Variants in CACNB4 observed in about 807,000 individuals in gnomAD.
The protein encoded by CACNB4 is voltage-dependent L-type calcium channel subunit beta-4.
Under a neutral mutation model 71.2 loss-of-function variants are expected in CACNB4, and 32 were observed. The ratio of observed to expected loss-of-function variants is 0.45; its 90% CI spans 0.34 to 0.60. The LOEUF (loss-of-function observed/expected upper bound fraction) is 0.60, where lower values mean the gene tolerates loss of function less well. Ranked by LOEUF, CACNB4 falls within the 20% of genes least tolerant of loss-of-function variation. The pLI, the probability that CACNB4 is intolerant of heterozygous loss-of-function variation, is 0.01. For missense variants in CACNB4, 464 were observed against 647.9 expected (o/e 0.72, Z 3.08); for synonymous variants, 231 against 236.9 (o/e 0.97, Z 0.23).
At chr2:151,857,925 G>A (rs2099840694) in intron 10 of CACNB4, 1 of 152,306 alleles carries the variant, frequency 6.6e-6, no homozygotes, top group Admixed American at 6.5e-5. Flanking sequence ...CAGAGGAAGA[G>A]AGGTGCTTGG....
intron 2 of CACNB4, among the ~76,000 whole-genome samples, chr2:151,886,883 G>A (rs1364410692): frequency 6.6e-6 from 1 of 152,128 alleles, no homozygotes; most frequent in Non-Finnish European, 1.5e-5. Context: ...GGAAGGAAAA[G>A]ATAAAGGAAA....
chr2:151,867,172 T>G (rs1025906057), intron 9 of CACNB4: 14 of 152,212 alleles, frequency 9.2e-5, no homozygotes, highest in African/African-American at 3.4e-4. Flanking sequence ...TCGGCACTGC[T>G]CAGAACTGCC....
Position 151,875,509 on chromosome 2 carries a change from T to C in CACNB4, c.521+917A>G, listed in dbSNP as rs764398029. On this transcript the variant is annotated intron_variant, in intron 5 of 13. Coordinates refer to ENST00000539935, the MANE Select transcript of CACNB4 (RefSeq NM_000726.5). ...GGCCCATTCTCAATGAGCTGTTGGG[T>C]ACACCTCCCAGACGGGGTGGTGGCC... Among the ~76,000 whole-genome samples the C allele has an allele frequency of 3.8e-3, 581 of 151,876 alleles. 2 individuals are homozygous for C. The highest frequency in any genetic ancestry group is 6.1e-3 in the Non-Finnish European group (416 of 67,894).
At chr2:151,876,004 G>C (rs2099846130) in intron 5 of CACNB4, among the ~76,000 whole-genome samples, 2 of 146,758 alleles carry the variant, frequency 1.4e-5, no homozygotes, top group African/African-American at 2.5e-5. Flanking sequence ...CGGACGGGGC[G>C]GCTGGCCGGG....
chr2:152,060,630 C>T (rs2105330332), intron 2 of CACNB4, among the ~76,000 whole-genome samples: 1 of 152,258 alleles, frequency 6.6e-6, no homozygotes, highest in South Asian at 2.1e-4. Context: ...CCAGGAACTC[C>T]AACTCTATAC....
At chr2:151,923,408 T>G (rs1197879389) in intron 2 of CACNB4, among the ~76,000 whole-genome samples, 1 of 152,158 alleles carries the variant, frequency 6.6e-6, no homozygotes, top group Non-Finnish European at 1.5e-5. Flanking sequence ...TAGCTTGGCT[T>G]TCAACACATT....
At chr2:152,090,273 C>T (rs1387474230) in intron 2 of CACNB4, among the ~76,000 whole-genome samples, 1 of 152,204 alleles carries the variant, frequency 6.6e-6, no homozygotes, top group Non-Finnish European at 1.5e-5. Flanking sequence ...TCTGGGGCAG[C>T]AGGTGGAGCA....
At chr2:151,931,275 C>G (rs1473749043) in intron 2 of CACNB4, among the ~76,000 whole-genome samples, 1 of 152,184 alleles carries the variant, frequency 6.6e-6, no homozygotes, top group Non-Finnish European at 1.5e-5. Flanking sequence ...TAACTAGTCA[C>G]TGGAATACAG....
At chr2:152,035,594 T>G (rs532465606) in intron 2 of CACNB4, among the ~76,000 whole-genome samples, 1 of 144,922 alleles carries the variant, frequency 6.9e-6, no homozygotes, top group African/African-American at 2.6e-5. Flanking sequence ...TCTCCCTCTC[T>G]CTCTCTCTTT....
chr2:151,931,183 C>A (rs2099861541), intron 2 of CACNB4, among the ~76,000 whole-genome samples: 1 of 152,178 alleles, frequency 6.6e-6, no homozygotes. Context: ...CTGCAGTATA[C>A]CAGCTGGCTA....
At chr2:152,000,499 A>G (rs1682333370) in intron 2 of CACNB4, among the ~76,000 whole-genome samples, 1 of 152,196 alleles carries the variant, frequency 6.6e-6, no homozygotes, top group South Asian at 2.1e-4. Flanking sequence ...ATGATATTCC[A>G]TATATGTTCT....
intron 2 of CACNB4, among the ~76,000 whole-genome samples, chr2:152,073,276 G>T (rs937186961): frequency 6.6e-6 from 1 of 152,128 alleles, no homozygotes; most frequent in Admixed American, 6.6e-5. Flanking sequence ...CCTTATTGAA[G>T]GGAGCCAGTC....
chr2:151,889,750 C>A (rs1267270812), intron 2 of CACNB4, among the ~76,000 whole-genome samples: 1 of 152,126 alleles, frequency 6.6e-6, no homozygotes, highest in Non-Finnish European at 1.5e-5. Context: ...GCTTCCTTTT[C>A]CTTCACCCCC....
At chr2:151,867,642 C>T (rs1430749434) in intron 9 of CACNB4, 3 of 152,140 alleles carry the variant, frequency 2.0e-5, no homozygotes, top group Non-Finnish European at 2.9e-5. Context: ...ATGAATGTGA[C>T]GAAGGCTATT....
At chr2:152,082,504 A>G (rs11688557) in intron 2 of CACNB4, among the ~76,000 whole-genome samples, 9,145 of 152,272 alleles carry the variant, frequency 0.06, 560 homozygotes, top group African/African-American at 0.15. Flanking sequence ...GAACCCTCAG[A>G]CCTGAGAGCT....
intron 2 of CACNB4, among the ~76,000 whole-genome samples, chr2:151,981,569 G>A (rs1461773860): frequency 6.6e-6 from 1 of 152,106 alleles, no homozygotes; most frequent in Non-Finnish European, 1.5e-5. Context: ...TGGATAGATG[G>A]TAGCAATAAG....
chr2:151,893,517 C>G (rs2099851251), intron 2 of CACNB4, among the ~76,000 whole-genome samples: 1 of 152,130 alleles, frequency 6.6e-6, no homozygotes, highest in South Asian at 2.1e-4. Flanking sequence ...GCCGAGATTA[C>G]AGGCATGAGC....
chr2:151,842,868 T>C (rs1287800096), intron 12 of CACNB4, among the ~76,000 whole-genome samples: 1 of 152,190 alleles, frequency 6.6e-6, no homozygotes, highest in East Asian at 1.9e-4. Context: ...AAGGTAACTA[T>C]GTTGAAGGGA....
chr2:151,952,116 A>T (rs2099867055), intron 2 of CACNB4, among the ~76,000 whole-genome samples: 2 of 152,224 alleles, frequency 1.3e-5, no homozygotes, highest in African/African-American at 4.8e-5. Flanking sequence ...TATTCAGAAT[A>T]GTGAAGGGCA....
Sources: allele counts gnomAD v4.1 joint callset (sites outside exome capture counted in the v4.1 genomes callset), GRCh38; gene constraint gnomAD v4.1.1; transcripts MANE v1.5; gene names NCBI Gene and HGNC (gene_info 2026-07-23, HGNC 2026-07-21).